CCDC6: variants seen among roughly 807,000 people sequenced by gnomAD.
The protein encoded by CCDC6 is coiled-coil domain-containing protein 6.
A neutral mutation model predicts 56.6 loss-of-function variants in CCDC6; 20 were observed. The observed-to-expected ratio is 0.35, with a 90% CI of 0.25 to 0.51. The LOEUF (loss-of-function observed/expected upper bound fraction) is 0.51, where lower values mean the gene tolerates loss of function less well. Ranked by LOEUF, CCDC6 falls within the 20% of genes least tolerant of loss-of-function variation. The pLI, the probability that CCDC6 is intolerant of heterozygous loss-of-function variation, is 0.95. For missense variants in CCDC6, 367 were observed against 601.1 expected (o/e 0.61, Z 4.07); for synonymous variants, 241 against 234.4 (o/e 1.03, Z -0.26).
chr10:59,854,147 G>A (rs749286289), intron 1 of CCDC6, among the ~76,000 whole-genome samples: 2 of 152,070 alleles, frequency 1.3e-5, no homozygotes, highest in Non-Finnish European at 2.9e-5. Flanking sequence ...GAAGACGAAA[G>A]GGCACCCACA....
In CCDC6 at chr10:59,840,735, T is replaced by C. The variant is rs1327854617; in HGVS notation, c.454-8082A>G. On this transcript the variant is annotated intron_variant, in intron 2 of 8. Coordinates refer to ENST00000263102, the MANE Select transcript of CCDC6 (RefSeq NM_005436.5). ...TGATGGTAACTATTCTTCCAGTCATTAAGACTCAAACCCCTAAGTCTTTCT... is the reference window on the plus strand; with the variant it reads ...TGATGGTAACTATTCTTCCAGTCATCAAGACTCAAACCCCTAAGTCTTTCT... 2.0e-5 allele frequency among the ~76,000 whole-genome samples: 3 copies of C among 152,222 alleles called. No individual in the cohort carries two copies. The East Asian group carries it at 5.8e-4, about 29-fold the overall frequency.
At chr10:59,822,507 A>C (rs1252534374) in intron 3 of CCDC6, among the ~76,000 whole-genome samples, 3 of 152,210 alleles carry the variant, frequency 2.0e-5, no homozygotes, top group Non-Finnish European at 2.9e-5. Flanking sequence ...TACTACATCA[A>C]GAGTTCAGTG....
intron 1 of CCDC6, among the ~76,000 whole-genome samples, chr10:59,867,588 C>CGA (rs1229218690): frequency 6.6e-6 from 1 of 152,212 alleles, no homozygotes; most frequent in Non-Finnish European, 1.5e-5. Context: ...AGGTCTCACT[C>CGA]TGTCACCCAG....
chr10:59,821,530 T>C (rs1225018085), intron 3 of CCDC6, among the ~76,000 whole-genome samples: 2 of 152,114 alleles, frequency 1.3e-5, no homozygotes, highest in African/African-American at 4.8e-5. Context: ...CTAAGACAGG[T>C]GTTCATAGAC....
intron 4 of CCDC6, among the ~76,000 whole-genome samples, chr10:59,813,355 C>G (rs2132632217): frequency 6.6e-6 from 1 of 152,272 alleles, no homozygotes; most frequent in African/African-American, 2.4e-5. Context: ...AAAAACAAAA[C>G]CAAAATTGTT....
intron 6 of CCDC6, chr10:59,805,702 G>A (rs1257177912): frequency 6.6e-6 from 1 of 152,144 alleles, no homozygotes; most frequent in Non-Finnish European, 1.5e-5. Flanking sequence ...GCAAAGTTTT[G>A]AGAAAGAATA....
At position 59,906,306 on chromosome 10, in the gene CCDC6, C is replaced by T. The variant is rs761147870; in HGVS notation, c.119G>A (p.Gly40Asp). ...TSGGGGGGGGGGGGGKSGGIV... is the reference protein window; with the variant it reads ...TSGGGGGGGGDGGGGKSGGIV... ...GCCCCCCGACTTCCCACCGCCGCCGCCTCCCCCGCCGCCACCGCCGCCGCC... is the reference window on the plus strand; with the variant it reads ...GCCCCCCGACTTCCCACCGCCGCCGTCTCCCCCGCCGCCACCGCCGCCGCC... The change falls in exon 1 of 9, where the codon GGC becomes GAC. Residue 40 changes from glycine (G) to aspartate (D), a missense_variant. By Grantham distance (94) the Gly-to-Asp change is moderately conservative (BLOSUM62 -1). This residue lies in a region of CCDC6 where 79 missense variants were observed against 74.9 expected (regional missense o/e 1.05). Coordinates refer to ENST00000263102, the MANE Select transcript of CCDC6 (RefSeq NM_005436.5). The T allele has an allele frequency of 6.2e-7, 1 of 1,600,404 alleles. No individual in the cohort carries two copies. Among genetic ancestry groups the T allele is most frequent in the Non-Finnish European group, 8.5e-7 (1 of 1,178,320 alleles).
rs572538489 is a variant in CCDC6, at chr10:59,888,201, G to T, written c.303+17921C>A. The stretch of plus-strand genomic sequence containing the variant: ...CCTGAGTGGCTTCACACATAGCACC[G>T]CACCAGACTTTCTGGAAGCCATAGA... On this transcript the variant is annotated intron_variant, in intron 1 of 8. Coordinates refer to ENST00000263102, the MANE Select transcript of CCDC6 (RefSeq NM_005436.5). 4.6e-5 allele frequency among the ~76,000 whole-genome samples: 7 copies of T among 152,264 alleles called. No individual in the cohort carries two copies. In the East Asian group the frequency reaches 1.4e-3, roughly 29 times the overall value.
chr10:59,836,984 C>G (rs1036568851), intron 2 of CCDC6, among the ~76,000 whole-genome samples: 2 of 152,178 alleles, frequency 1.3e-5, no homozygotes, highest in Non-Finnish European at 2.9e-5. Context: ...GTATCATCCA[C>G]TGATTAGATA....
chr10:59,872,229 T>C (rs61154079), intron 1 of CCDC6, among the ~76,000 whole-genome samples: 10,547 of 152,288 alleles, frequency 0.069, 472 homozygotes, highest in African/African-American at 0.12. Context: ...TTCCTTCCAG[T>C]TGTTTCCAAT....
intron 2 of CCDC6, among the ~76,000 whole-genome samples, chr10:59,833,650 G>C (rs886156532): frequency 1.4e-5 from 2 of 138,824 alleles, no homozygotes; most frequent in African/African-American, 2.5e-5. Flanking sequence ...TGGGGGGGGG[G>C]GGGGTTTGTT....
chr10:59,837,746 CAAAAAAAAAA>C (rs397940135), intron 2 of CCDC6, among the ~76,000 whole-genome samples: 1 of 49,734 alleles, frequency 2.0e-5, no homozygotes, highest in Admixed American at 2.9e-4. Context: ...GACTCTGTCT[CAAAAAAAAAA>C]AAAAAAAAAA....
At chr10:59,799,871 T>C (rs944266644) in intron 7 of CCDC6, among the ~76,000 whole-genome samples, 4 of 152,136 alleles carry the variant, frequency 2.6e-5, no homozygotes, top group Admixed American at 6.5e-5. Context: ...ATACTGTAGC[T>C]ACCTTGCAAG....
At chr10:59,846,181 A>C (rs1266313961) in intron 2 of CCDC6, among the ~76,000 whole-genome samples, 5 of 152,192 alleles carry the variant, frequency 3.3e-5, no homozygotes, top group African/African-American at 1.2e-4. Flanking sequence ...GAAAAAAAAG[A>C]ATCCAGTAAA....
intron 1 of CCDC6, among the ~76,000 whole-genome samples, chr10:59,900,796 C>T (rs2071499097): frequency 6.6e-6 from 1 of 152,184 alleles, no homozygotes; most frequent in African/African-American, 2.4e-5. Flanking sequence ...TGGTAGCTCA[C>T]ACCTGTAATC....
chr10:59,809,551 C>G, intron 5 of CCDC6, among the ~76,000 whole-genome samples: 1 of 152,138 alleles, frequency 6.6e-6, no homozygotes, highest in Non-Finnish European at 1.5e-5. Context: ...TCCTTGGCTG[C>G]CCCCTGCTGG....
intron 3 of CCDC6, among the ~76,000 whole-genome samples, chr10:59,827,301 A>T (rs762534307): frequency 2.0e-4 from 31 of 152,216 alleles, no homozygotes; most frequent in Non-Finnish European, 4.3e-4. Context: ...TTAAATAGAA[A>T]ATCAGTGCAA....
At chr10:59,834,295 G>A (rs1352140454) in intron 2 of CCDC6, among the ~76,000 whole-genome samples, 1 of 152,140 alleles carries the variant, frequency 6.6e-6, no homozygotes, top group African/African-American at 2.4e-5. Context: ...CACTTTGGGA[G>A]GTCAAGGCAG....
rs1172379933 is a variant in CCDC6, at chr10:59,876,073, C to CTTTTTTTTTTTTTT, written c.304-23385_304-23372dup. On this transcript the variant is annotated intron_variant, in intron 1 of 8. Transcript: ENST00000263102. Reference sequence around the variant, plus strand: ...CATACACGAGTGCATGCACAGATGTCTTTTTTTTTTTTTTTTTTCAGATCG... The same window carrying CTTTTTTTTTTTTTT: ...CATACACGAGTGCATGCACAGATGTCTTTTTTTTTTTTTTTTTTTTTTTTTTTTTTTTCAGATCG... Among the ~76,000 whole-genome samples the CTTTTTTTTTTTTTT allele has an allele frequency of 1.8e-3, 178 of 97,534 alleles. 45 individuals carry two copies. The highest frequency in any genetic ancestry group is 4.1e-3 in the East Asian group (12 of 2,942). The allele number at this position is 97,534 out of a possible 152,430, so 64.0% of individuals were successfully genotyped here. A position where few individuals can be genotyped will look rare whatever the true frequency, so the allele number is the denominator to read the frequency against.
Sources: gnomAD v4.1 joint callset for allele counts (sites outside exome capture counted in the v4.1 genomes callset) on GRCh38, gnomAD v4.1.1 for gene constraint, gnomAD v4.1.1 regional missense constraint, MANE v1.5 for transcripts, NCBI Gene and HGNC (gene_info 2026-07-23, HGNC 2026-07-21) for gene names.